The following DHX38 variants were observed in gnomAD, a reference collection of about 807,000 sequenced individuals.
DHX38 encodes the protein pre-mRNA-splicing factor ATP-dependent RNA helicase PRP16.
Under a neutral mutation model 153.1 loss-of-function variants are expected in DHX38, and 100 were observed. The ratio of observed to expected loss-of-function variants is 0.65; its 90% CI spans 0.56 to 0.77. The LOEUF (loss-of-function observed/expected upper bound fraction) is 0.77. Ranked by LOEUF, DHX38 falls within the 30% of genes least tolerant of loss-of-function variation. The pLI is 0.00. For missense variants in DHX38, 1,440 were observed against 1,654.0 expected, an observed-to-expected ratio of 0.87 and a Z score of 2.24; for synonymous variants, 650 against 631.7, an observed-to-expected ratio of 1.03 and a Z score of -0.43.
chr16:72,112,413 G>A lies in DHX38; in HGVS notation c.3600G>A (p.Arg1200=), dbSNP rs545500303. The change falls in exon 27 of 27, where the codon AGG becomes AGA. Residue 1200 remains arginine (R), a splice_region_variant and synonymous_variant. Coordinates refer to ENST00000268482, the MANE Select transcript of DHX38 (RefSeq NM_014003.4). ...QEKRSPLGSV[R]STKIYTPGRK... ...CTGATCTCTCCTGCTGTGTCTCCAG[G>A]TCTACGAAGATCTACACTCCAGGCC... 1.9e-5 allele frequency: 30 copies of A among 1,606,748 alleles called. No individual in the cohort carries two copies. The South Asian group carries it at 3.1e-4, about 16-fold the overall frequency.
In DHX38 at chr16:72,112,849, A is replaced by C; in HGVS notation, c.*352A>C. Reference sequence around the variant, plus strand: ...TGTGTAAAGCAGCAAAAAAGACCTAAAGGGAATTGTAATTTGGTTATAATT... The same window carrying C: ...TGTGTAAAGCAGCAAAAAAGACCTACAGGGAATTGTAATTTGGTTATAATT... On this transcript the variant is annotated 3_prime_UTR_variant, in exon 27 of 27. Coordinates refer to ENST00000268482, the MANE Select transcript of DHX38 (RefSeq NM_014003.4). The C allele has an allele frequency of 1.4e-6, 1 of 702,100 alleles. No individual in the cohort carries two copies. Among genetic ancestry groups the C allele is most frequent in the Non-Finnish European group, 2.6e-6 (1 of 384,700 alleles). 43.5% of individuals were successfully genotyped at this position (702,100 alleles called of 1,614,324 possible).
rs146195196 is a variant in DHX38, at chr16:72,101,161, C to A, written c.1354C>A (p.Arg452=). The part of the protein sequence containing the change: ...IIARKGSQTV[R]KHREQKERKK... ...TGCTCGGAAAGGCAGCCAGACAGTGCGGAAGCACAGGGAGCAGAAGGAGCG... is the reference window on the plus strand; with the variant it reads ...TGCTCGGAAAGGCAGCCAGACAGTGAGGAAGCACAGGGAGCAGAAGGAGCG... The change falls in exon 10 of 27, where the codon CGG becomes AGG. Residue 452 remains arginine (R), a synonymous_variant. Transcript: ENST00000268482. 78 of 1,614,144 alleles carry A rather than the reference C, an allele frequency of 4.8e-5. No homozygotes were observed. Among genetic ancestry groups the A allele is most frequent in the Non-Finnish European group, 6.4e-5 (76 of 1,180,060 alleles).
chr16:72,108,666 C>T, intron 23 of DHX38, 59 bp downstream of exon 23: 1 of 1,593,668 alleles, frequency 6.3e-7, no homozygotes, highest in East Asian at 2.3e-5. Flanking sequence ...GGGCAAAGTT[C>T]TTCCTTTGTC....
rs2042220335 is a variant in DHX38 at position 72,108,880 on chromosome 16, C to T, written c.3336C>T (p.Tyr1112=). 6.2e-7 allele frequency: 1 copy of T among 1,613,786 alleles called. No individual in the cohort carries two copies. The highest frequency in any genetic ancestry group is 8.5e-7 in the Non-Finnish European group (1 of 1,179,876). Residue 1112 remains tyrosine (Y), a synonymous_variant, in exon 24 of 27, where the codon TAC becomes TAT. Transcript: ENST00000268482. The part of the protein sequence containing the change: ...HPTSSLFGMG[Y]TPDYIVYHEL... ...CCAGCTCCCTTTTTGGAATGGGCTA[C>T]ACCCCAGATTACATAGTGTATCACG...
rs535940422 is a variant in DHX38, at chr16:72,104,407, G to C, written c.2011-79G>C. The C allele has an allele frequency of 7.0e-6, 11 of 1,572,858 alleles. No homozygotes were observed. In the African/African-American group the frequency reaches 1.4e-4, roughly 19 times the overall value. ...TGTCAGCTTTGGCTTGTGTTTCCTC[G>C]GGGGTGGTGCTGATGGGACTGGGGG... On this transcript the variant is annotated intron_variant, in intron 14 of 26. Transcript: ENST00000268482. The surrounding 1 kb of genome is among the most constrained non-coding windows in gnomAD (Gnocchi z 4.5).
intron 9 of DHX38, 26 bp from the exon 10 acceptor site, chr16:72,101,060 A>C (rs777663652): frequency 6.2e-7 from 1 of 1,609,582 alleles, no homozygotes; most frequent in Non-Finnish European, 8.5e-7. Context: ...TTTAACGGGC[A>C]TCGCTCTTTC....
chr16:72,108,755 G>A (rs773153151), intron 23 of DHX38, 45 bp from the exon 24 acceptor site: 1 of 1,604,098 alleles, frequency 6.2e-7, no homozygotes, highest in South Asian at 1.1e-5. Context: ...TGCCCAAATG[G>A]GTGTTGTTTT....
At chr16:72,109,771 G>C (rs2042233798) in intron 25 of DHX38, 2 of 304,772 alleles carry the variant, frequency 6.6e-6, no homozygotes, top group Admixed American at 5.5e-5. Flanking sequence ...CAGTACAACA[G>C]GCCACCATGA....
In DHX38 at chr16:72,112,458, C is replaced by T; in HGVS notation, c.3645C>T (p.Pro1215=). Residue 1215 remains proline, a synonymous_variant, in exon 27 of 27, where the codon CCC becomes CCT. Coordinates refer to ENST00000268482, the MANE Select transcript of DHX38 (RefSeq NM_014003.4). ...YTPGRKEQGE[P]MTPRRTPARF... ...CAGGCCGGAAAGAGCAAGGGGAGCC[C>T]ATGACCCCTCGCCGCACGCCAGCCC... The T allele has an allele frequency of 1.2e-6, 2 of 1,612,024 alleles. No individual in the cohort carries two copies. Among genetic ancestry groups the T allele is most frequent in the Non-Finnish European group, 1.7e-6 (2 of 1,180,018 alleles).
chr16:72,094,059 T>G lies in DHX38; in HGVS notation c.-20+8T>G, dbSNP rs2041967369. 1 of 151,564 alleles carries G rather than the reference T, an allele frequency of 6.6e-6. No homozygotes were observed. Among genetic ancestry groups the G allele is most frequent in the Non-Finnish European group, 1.5e-5 (1 of 67,956 alleles). The allele number at this position is 151,564 out of a possible 1,614,324, so 9.4% of individuals were successfully genotyped here. A position where few individuals can be genotyped will look rare whatever the true frequency, so the allele number is the denominator to read the frequency against. On this transcript the variant is annotated splice_region_variant and intron_variant, in intron 1 of 26. Transcript: ENST00000268482. ...AGAGTCGCGCTTGGTGAGGTGAGAG[T>G]CCCTTCTTCCTTCCTGGCCTGCCCT...
At position 72,104,184 on chromosome 16, in the gene DHX38, C is replaced by T. The variant is rs767850629; in HGVS notation, c.2010+53C>T. The T allele has an allele frequency of 1.9e-6, 3 of 1,587,236 alleles. No homozygotes were observed. The highest frequency in any genetic ancestry group is 2.6e-6 in the Non-Finnish European group (3 of 1,162,150). ...GCGCATGGGGTGTTGACCAGTGCAC[C>T]ACCAGTAGCTAGTGGGTTGCTCCAG... On this transcript the variant is annotated intron_variant, in intron 14 of 26. Transcript: ENST00000268482. This position sits in a 1 kb window ranked among gnomAD's most constrained non-coding sequence, Gnocchi z 4.5.
chr16:72,107,481 G>C lies in DHX38; in HGVS notation c.2742G>C (p.Pro914=), dbSNP rs776567584. Residue 914 remains proline, a synonymous_variant, in exon 20 of 27, where the codon CCG becomes CCC. Coordinates refer to ENST00000268482, the MANE Select transcript of DHX38 (RefSeq NM_014003.4). This position sits in a 1 kb window ranked among gnomAD's most constrained non-coding sequence, Gnocchi z 5.3. The part of the protein sequence containing the change: ...QDLLQFHFMD[P]PPEDNMLNSM... ...TGCTGCAGTTCCACTTCATGGACCCGCCCCCGGAGGACAACATGCTCAACT... is the reference window on the plus strand; with the variant it reads ...TGCTGCAGTTCCACTTCATGGACCCCCCCCCGGAGGACAACATGCTCAACT... 3 of 1,614,110 alleles carry C rather than the reference G, an allele frequency of 1.9e-6. No individual in the cohort carries two copies. The highest frequency in any genetic ancestry group is 4.5e-5 in the East Asian group (2 of 44,868).
Position 72,111,042 on chromosome 16 carries a change from G to T in DHX38, c.3564G>T (p.Gln1188His). 1 of 1,576,532 alleles carries T rather than the reference G, an allele frequency of 6.3e-7. No homozygotes were observed. The highest frequency in any genetic ancestry group is 1.2e-5 in the South Asian group (1 of 85,932). The change falls in exon 26 of 27, where the codon CAG becomes CAT. Residue 1188 changes from glutamine to histidine, a missense_variant. Coordinates refer to ENST00000268482, the MANE Select transcript of DHX38 (RefSeq NM_014003.4). ...LAEEQLRARR[Q>H]EQEKRSPLGS... ...AGGAGCAGCTGCGAGCCCGGCGGCAGGAGCAGGAGAAGCGCAGCCCCCTGG... is the reference window on the plus strand; with the variant it reads ...AGGAGCAGCTGCGAGCCCGGCGGCATGAGCAGGAGAAGCGCAGCCCCCTGG...
rs981990826 is a variant in DHX38, at chr16:72,104,209, G to C, written c.2010+78G>C. The C allele has an allele frequency of 2.0e-5, 31 of 1,539,490 alleles. No homozygotes were observed. The highest frequency in any genetic ancestry group is 2.2e-4 in the Middle Eastern group (1 of 4,458). ...CACCAGTAGCTAGTGGGTTGCTCCAGGTGGGCTGAGGGGGTCTCTGGTAGG... is the reference window on the plus strand; with the variant it reads ...CACCAGTAGCTAGTGGGTTGCTCCACGTGGGCTGAGGGGGTCTCTGGTAGG... On this transcript the variant is annotated intron_variant, in intron 14 of 26. Transcript: ENST00000268482. This position sits in a 1 kb window ranked among gnomAD's most constrained non-coding sequence, Gnocchi z 4.5.
chr16:72,109,777 C>T, intron 25 of DHX38: 1 of 290,554 alleles, frequency 3.4e-6, no homozygotes. Context: ...AACAGGCCAC[C>T]ATGAATTCGT....
rs766544740 is a variant in DHX38 at position 72,112,471 on chromosome 16, C to T, written c.3658C>T (p.Arg1220Cys). ...KEQGEPMTPR[R>C]TPARFGL The stretch of plus-strand genomic sequence containing the variant: ...GCAAGGGGAGCCCATGACCCCTCGC[C>T]GCACGCCAGCCCGCTTTGGTCTGTG... Residue 1220 changes from arginine (R) to cysteine (C), a missense_variant, in exon 27 of 27, where the codon CGC becomes TGC. Physicochemically the swap from Arg to Cys is radical, Grantham distance 180. Coordinates refer to ENST00000268482, the MANE Select transcript of DHX38 (RefSeq NM_014003.4). 1.8e-5 allele frequency: 29 copies of T among 1,612,118 alleles called. No homozygotes were observed. Among genetic ancestry groups the T allele is most frequent in the East Asian group, 2.2e-5 (1 of 44,886 alleles).
chr16:72,096,974 C>G lies in DHX38; in HGVS notation c.476C>G (p.Ser159Trp), dbSNP rs368707127. Residue 159 changes from serine (S) to tryptophan (W), a missense_variant, in exon 3 of 27, where the codon TCG (serine) becomes TGG (tryptophan). Ser to Trp is a radical substitution (Grantham distance 177). Coordinates refer to ENST00000268482, the MANE Select transcript of DHX38 (RefSeq NM_014003.4). ...GAAAAGGATTGGAAGAAGGAGAAAT[C>G]GCGGGATCGAGACTATGACCGCAAG... is the stretch of plus-strand genomic sequence containing the variant. ...KEEKDWKKEKSRDRDYDRKRD... is the reference protein window; with the variant it reads ...KEEKDWKKEKWRDRDYDRKRD... The G allele has an allele frequency of 1.2e-6, 2 of 1,613,982 alleles. No individual in the cohort carries two copies. Among genetic ancestry groups the G allele is most frequent in the East Asian group, 2.2e-5 (1 of 44,884 alleles).
At position 72,111,090 on chromosome 16, in the gene DHX38, C is replaced by G; in HGVS notation, c.3599+13C>G. ...TGGGCAGTGTCAGGTGAGCTCCGGC[C>G]TTCGGGCTCTGGCTGGGGTGGCACC... On this transcript the variant is annotated intron_variant, in intron 26 of 26. Coordinates refer to ENST00000268482, the MANE Select transcript of DHX38 (RefSeq NM_014003.4). 6.5e-7 allele frequency: 1 copy of G among 1,548,470 alleles called. No individual in the cohort carries two copies. Among genetic ancestry groups the G allele is most frequent in the Non-Finnish European group, 8.7e-7 (1 of 1,146,106 alleles).
intron 8 of DHX38, 39 bp from the exon 9 acceptor site, chr16:72,100,397 G>A (rs912009544): frequency 6.2e-7 from 1 of 1,604,614 alleles, no homozygotes; most frequent in African/African-American, 1.3e-5. Flanking sequence ...CGACCTTTGG[G>A]GTGGCAATTT....
Sources: allele counts gnomAD v4.1 joint callset, GRCh38; gene constraint gnomAD v4.1.1; non-coding constraint Gnocchi (gnomAD v3.1); transcripts MANE v1.5; gene names NCBI Gene and HGNC (gene_info 2026-07-23, HGNC 2026-07-21).